Variants in ENOX1 observed in about 807,000 individuals in gnomAD.
ENOX1 encodes ecto-NOX disulfide-thiol exchanger 1, also known as candidate growth-related and time keeping constitutive hydroquinone (NADH) oxidase.
Under a neutral mutation model 82.5 loss-of-function variants are expected in ENOX1, and 42 were observed. The ratio of observed to expected loss-of-function variants is 0.51; its 90% confidence interval spans 0.40 to 0.66. ENOX1 has a LOEUF of 0.66. ENOX1 is among the 30% of genes least tolerant of loss of function. The pLI is 0.00. For synonymous variants in ENOX1, 271 were observed against 282.2 expected, an observed-to-expected ratio of 0.96 and a Z score of 0.40; for missense variants, 608 against 811.6, an observed-to-expected ratio of 0.75 and a Z score of 3.05.
chr13:43,643,830 T>C (rs992300078), intron 2 of ENOX1, among the ~76,000 whole-genome samples: 21 of 152,092 alleles, frequency 1.4e-4, no homozygotes, highest in African/African-American at 4.8e-4. Context: ...CACATTAACT[T>C]TCCTCTCCTC....
intron 2 of ENOX1, among the ~76,000 whole-genome samples, chr13:43,505,599 G>T (rs1256036325): frequency 6.6e-6 from 1 of 151,926 alleles, no homozygotes; most frequent in Admixed American, 6.6e-5. Flanking sequence ...TTTTGATGGG[G>T]TTGTTTTTTT....
At chr13:43,506,778 T>C (rs917941941) in intron 2 of ENOX1, among the ~76,000 whole-genome samples, 24 of 146,758 alleles carry the variant, frequency 1.6e-4, no homozygotes, top group Non-Finnish European at 1.4e-4. Context: ...TAGGTGGGAA[T>C]TGAACAATGA....
chr13:43,573,064 GAAAGAAACAAT>G (rs2080254539), intron 2 of ENOX1, among the ~76,000 whole-genome samples: 1 of 152,156 alleles, frequency 6.6e-6, no homozygotes, highest in African/African-American at 2.4e-5. Context: ...AGGCATTCCA[GAAAGAAACAAT>G]AACTTGTGTG....
At chr13:43,415,652 CACAG>C (rs35860713) in intron 3 of ENOX1, among the ~76,000 whole-genome samples, 14,395 of 152,168 alleles carry the variant, frequency 0.095, 737 homozygotes, top group East Asian at 0.24. Flanking sequence ...ATTCTTTCTA[CACAG>C]ACATAGTAAC....
chr13:43,451,998 C>CAG (rs1566256438), intron 3 of ENOX1, among the ~76,000 whole-genome samples: 1 of 152,138 alleles, frequency 6.6e-6, no homozygotes, highest in Non-Finnish European at 1.5e-5. Flanking sequence ...TAAGGAAGGC[C>CAG]TCATTGGAAA....
At chr13:43,725,092 G>C (rs576909996) in intron 1 of ENOX1, among the ~76,000 whole-genome samples, 50 of 152,216 alleles carry the variant, frequency 3.3e-4, no homozygotes, top group Non-Finnish European at 5.7e-4. Flanking sequence ...TGATTACATG[G>C]ATATATGTCT....
chr13:43,219,320 G>A (rs1014212353), intron 16 of ENOX1, among the ~76,000 whole-genome samples: 1 of 152,208 alleles, frequency 6.6e-6, no homozygotes, highest in Admixed American at 6.5e-5. Context: ...AGGGAGCACT[G>A]TGTAGCACTG....
intron 3 of ENOX1, among the ~76,000 whole-genome samples, chr13:43,442,640 C>T (rs1406006160): frequency 2.0e-5 from 3 of 152,140 alleles, no homozygotes; most frequent in Non-Finnish European, 2.9e-5. Context: ...CAGTTCCAAG[C>T]ACAATATTTT....
At chr13:43,636,326 A>T (rs1312476055) in intron 2 of ENOX1, among the ~76,000 whole-genome samples, 1 of 152,190 alleles carries the variant, frequency 6.6e-6, no homozygotes, top group African/African-American at 2.4e-5. Flanking sequence ...TTTTGCATTT[A>T]AAGTCTGGTT....
chr13:43,504,636 A>G (rs903980691), intron 2 of ENOX1, among the ~76,000 whole-genome samples: 5 of 151,740 alleles, frequency 3.3e-5, no homozygotes, highest in Admixed American at 3.3e-4. Context: ...AAAAGCAGAT[A>G]GAATGGTGGT....
chr13:43,483,004 C>T (rs1374260142), intron 3 of ENOX1, among the ~76,000 whole-genome samples: 1 of 151,940 alleles, frequency 6.6e-6, no homozygotes, highest in Non-Finnish European at 1.5e-5. Flanking sequence ...GGAGTCTAGC[C>T]CAGCACTACA....
At position 43,704,530 on chromosome 13, in the gene ENOX1, G is replaced by A. The variant is rs573570695; in HGVS notation, c.-284-36986C>T. Among the ~76,000 whole-genome samples the A allele has an allele frequency of 4.6e-5, 7 of 152,268 alleles. No homozygotes were observed. In the South Asian group the frequency reaches 1.2e-3, roughly 27 times the overall value. ...CATCTTTTCCCTTAGGACAAGATAG[G>A]TGGAATTCAAGCAGAAATCCAGTCT... On this transcript the variant is annotated intron_variant, in intron 1 of 16. Coordinates refer to ENST00000690772, the MANE Select transcript of ENOX1 (RefSeq NM_001347969.2).
In ENOX1 at chr13:43,213,278, C is replaced by T. The variant is rs188789245; in HGVS notation, c.*712G>A. Reference sequence around the variant, plus strand: ...ATAACACTAGTTTTTCCTTTATTTACACTTTATGAAAACTGTTATGCAGTC... The same window carrying T: ...ATAACACTAGTTTTTCCTTTATTTATACTTTATGAAAACTGTTATGCAGTC... On this transcript the variant is annotated 3_prime_UTR_variant, in exon 17 of 17. Transcript: ENST00000690772. Among the ~76,000 whole-genome samples the T allele has an allele frequency of 1.9e-3, 295 of 152,182 alleles. 3 individuals carry two copies. Among genetic ancestry groups the T allele is most frequent in the East Asian group, 0.015 (78 of 5,180 alleles).
At chr13:43,313,613 C>T (rs993672621) in intron 11 of ENOX1, among the ~76,000 whole-genome samples, 1 of 152,076 alleles carries the variant, frequency 6.6e-6, no homozygotes, top group Non-Finnish European at 1.5e-5. Context: ...CTTGTAATTA[C>T]ACCATCTGGT....
chr13:43,374,533 C>G (rs560091387), intron 5 of ENOX1, among the ~76,000 whole-genome samples: 20 of 152,346 alleles, frequency 1.3e-4, no homozygotes, highest in Non-Finnish European at 2.2e-4. Flanking sequence ...GCATGAGCCA[C>G]TGTGCCCAGA....
chr13:43,362,450 C>T (rs2050586834), intron 5 of ENOX1, among the ~76,000 whole-genome samples: 1 of 152,134 alleles, frequency 6.6e-6, no homozygotes, highest in South Asian at 2.1e-4. Flanking sequence ...TGGTGCCCTC[C>T]TCTACTCTGC....
chr13:43,684,112 A>AAAAAAAAAAAC, intron 1 of ENOX1, among the ~76,000 whole-genome samples: 1 of 151,570 alleles, frequency 6.6e-6, no homozygotes, highest in Non-Finnish European at 1.5e-5. Context: ...AAAAAAAAAA[A>AAAAAAAAAAAC]ATGTAACCTA....
At chr13:43,707,187 G>GA (rs2087352576) in intron 1 of ENOX1, among the ~76,000 whole-genome samples, 2 of 151,866 alleles carry the variant, frequency 1.3e-5, no homozygotes, top group African/African-American at 4.8e-5. Context: ...ATTAAATAGA[G>GA]AAAAAACATA....
At chr13:43,454,693 A>C (rs1353815958) in intron 3 of ENOX1, among the ~76,000 whole-genome samples, 1 of 152,148 alleles carries the variant, frequency 6.6e-6, no homozygotes, top group African/African-American at 2.4e-5. Flanking sequence ...GTTTACTACC[A>C]AGACAAGTAG....
Sources: allele counts gnomAD v4.1 joint callset (sites outside exome capture counted in the v4.1 genomes callset), GRCh38; gene constraint gnomAD v4.1.1; transcripts MANE v1.5; gene names NCBI Gene and HGNC (gene_info 2026-07-23, HGNC 2026-07-21).